The following ARID1B variants were observed in gnomAD, a reference collection of about 807,000 sequenced individuals.
ARID1B encodes the protein AT-rich interaction domain 1B.
A neutral mutation model predicts 212.3 loss-of-function variants in ARID1B; 30 were observed. The observed-to-expected ratio is 0.14, with a 90% CI of 0.11 to 0.19. The LOEUF is 0.19. Ranked by LOEUF, ARID1B falls within the 10% of genes least tolerant of loss-of-function variation. The probability of loss-of-function intolerance (pLI) is 1.00; values close to 1 mark genes in which losing one functional copy is unlikely to be tolerated. For synonymous variants in ARID1B, 1,402 were observed against 1,301.7 expected, an observed-to-expected ratio of 1.08 and a Z score of -1.66; for missense variants, 2,891 against 3,204.0, an observed-to-expected ratio of 0.90 and a Z score of 2.36.
chr6:157,137,182 A>AAAAAT (rs960666870), intron 7 of ARID1B, among the ~76,000 whole-genome samples: 3 of 152,188 alleles, frequency 2.0e-5, no homozygotes, highest in Admixed American at 1.3e-4. Flanking sequence ...CCCTGTCGCA[A>AAAAAT]AAAATAAAAT....
chr6:156,920,951 T>C (rs1328925305), intron 3 of ARID1B, among the ~76,000 whole-genome samples: 1 of 151,870 alleles, frequency 6.6e-6, no homozygotes, highest in Non-Finnish European at 1.5e-5. Context: ...GCCTCCCAGG[T>C]TCAAGTGATT....
chr6:157,146,186 T>C (rs1159820229), intron 7 of ARID1B, among the ~76,000 whole-genome samples: 1 of 152,052 alleles, frequency 6.6e-6, no homozygotes, highest in Non-Finnish European at 1.5e-5. Context: ...CCCTTTCCCC[T>C]CTTCTGCCAC....
At chr6:156,939,715 A>G (rs775565832) in intron 4 of ARID1B, 7 of 152,118 alleles carry the variant, frequency 4.6e-5, no homozygotes, top group African/African-American at 1.4e-4. Context: ...AAATGATTCT[A>G]TTTTACCAAG....
At chr6:157,061,370 C>T (rs1357473665) in intron 4 of ARID1B, among the ~76,000 whole-genome samples, 1 of 152,130 alleles carries the variant, frequency 6.6e-6, no homozygotes, top group Non-Finnish European at 1.5e-5. Context: ...TAGAATGGTA[C>T]GGAGCACATG....
rs1341819861 is a variant in ARID1B, at chr6:156,871,553, T to C, written c.1987-29823T>C. 6.0e-6 allele frequency: 9 copies of C among 1,490,630 alleles called. No homozygotes were observed. In the African/African-American group the frequency reaches 1.1e-4, roughly 18 times the overall value. 92.3% of individuals were successfully genotyped at this position (1,490,630 alleles called of 1,614,324 possible). A position where few individuals can be genotyped will look rare whatever the true frequency, so the allele number is the denominator to read the frequency against. On this transcript the variant is annotated intron_variant, in intron 2 of 19. Coordinates refer to ENST00000636930, the MANE Select transcript of ARID1B (RefSeq NM_001374828.1). ...TAATTAATAAGCCACAGGGCCAAGA[T>C]GGGAATCCTGGACTGACTCCAACAC...
At chr6:156,977,775 G>A (rs1444738452) in intron 4 of ARID1B, among the ~76,000 whole-genome samples, 1 of 152,072 alleles carries the variant, frequency 6.6e-6, no homozygotes, top group African/African-American at 2.4e-5. Flanking sequence ...TGATGACTGG[G>A]TATCTTTCTT....
chr6:157,161,429 G>GTA (rs1228344142), intron 8 of ARID1B, among the ~76,000 whole-genome samples: 1 of 134,088 alleles, frequency 7.5e-6, no homozygotes, highest in East Asian at 2.0e-4. Context: ...GATTGTGTGT[G>GTA]TGTATATATA....
intron 7 of ARID1B, among the ~76,000 whole-genome samples, chr6:157,146,515 A>T (rs1160123273): frequency 6.6e-6 from 1 of 152,054 alleles, no homozygotes; most frequent in Non-Finnish European, 1.5e-5. Context: ...CTCAGCCCCC[A>T]TCAGACTCAC....
chr6:157,153,931 C>A (rs1364224923), intron 8 of ARID1B, among the ~76,000 whole-genome samples: 1 of 152,210 alleles, frequency 6.6e-6, no homozygotes, highest in Non-Finnish European at 1.5e-5. Context: ...TGAGCCACCA[C>A]TCCTGACCTT....
rs950931904 is a variant in ARID1B, at chr6:157,209,143, GAAA to G, written c.*1257_*1259del. ...TAATGTAGTTTAAAAAAAAAAAAAA[GAAA>G]AAAACTTGATGTAAATTCCTCCTTT... On this transcript the variant is annotated 3_prime_UTR_variant, in exon 20 of 20. Transcript: ENST00000636930. The G allele has an allele frequency of 4.6e-6, 1 of 219,752 alleles. No homozygotes were observed. Among genetic ancestry groups the G allele is most frequent in the Non-Finnish European group, 9.0e-6 (1 of 110,884 alleles). The allele number at this position is 219,752 out of a possible 1,614,324, so 13.6% of individuals were successfully genotyped here.
intron 4 of ARID1B, among the ~76,000 whole-genome samples, chr6:157,049,704 T>C (rs1782465608): frequency 6.6e-6 from 1 of 152,206 alleles, no homozygotes; most frequent in African/African-American, 2.4e-5. Flanking sequence ...GAATTGGATA[T>C]AGGCTTATCT....
chr6:156,871,534 A>G, intron 2 of ARID1B: 1 of 1,332,566 alleles, frequency 7.5e-7, no homozygotes, highest in South Asian at 1.2e-5. Flanking sequence ...CACCTAATTA[A>G]TAAGCCACAG....
At chr6:156,940,647 T>G (rs1200263455) in intron 4 of ARID1B, 1 of 152,142 alleles carries the variant, frequency 6.6e-6, no homozygotes, top group East Asian at 1.9e-4. Context: ...ATACTCTGTT[T>G]GTGTTGGTTT....
At chr6:157,066,277 A>C (rs1281635205) in intron 4 of ARID1B, among the ~76,000 whole-genome samples, 1 of 152,262 alleles carries the variant, frequency 6.6e-6, no homozygotes, top group African/African-American at 2.4e-5. Flanking sequence ...TGCTTTCAAA[A>C]TCAGTTACTC....
At position 156,777,988 on chromosome 6, in the gene ARID1B, G is replaced by A. The variant is rs2114958253; in HGVS notation, c.308G>A (p.Gly103Asp). ...GGCACCCACAGCGCCAAGAGCGGCG[G>A]CTCCGAGGCGGCTCTCAAGGAGGGT... The part of the protein sequence containing the change: ...AAGTHSAKSG[G>D]SEAALKEGGS... Residue 103 changes from glycine (G) to aspartate (D), a missense_variant, in exon 1 of 20, where the codon GGC (glycine) becomes GAC (aspartate). By Grantham distance (94) the Gly-to-Asp change is moderately conservative. Coordinates refer to ENST00000636930, the MANE Select transcript of ARID1B (RefSeq NM_001374828.1). 1.3e-6 allele frequency: 2 copies of A among 1,531,224 alleles called. No individual in the cohort carries two copies. Among genetic ancestry groups the A allele is most frequent in the Non-Finnish European group, 1.7e-6 (2 of 1,144,780 alleles). 94.9% of individuals were successfully genotyped at this position (1,531,224 alleles called of 1,614,324 possible).
At chr6:157,169,847 A>T (rs1239798797) in intron 9 of ARID1B, 1 of 152,194 alleles carries the variant, frequency 6.6e-6, no homozygotes, top group East Asian at 1.9e-4. Flanking sequence ...GAGCGGCCAT[A>T]TGTGCTGCTG....
intron 4 of ARID1B, among the ~76,000 whole-genome samples, chr6:157,028,385 TAATG>T (rs1780802038): frequency 6.6e-6 from 1 of 152,206 alleles, no homozygotes; most frequent in Non-Finnish European, 1.5e-5. Context: ...GTAGAAATAA[TAATG>T]TAATGAATAA....
At chr6:156,975,613 CTT>C (rs367797338) in intron 4 of ARID1B, among the ~76,000 whole-genome samples, 3 of 110,866 alleles carry the variant, frequency 2.7e-5, no homozygotes, top group Non-Finnish European at 5.5e-5. Flanking sequence ...TTTTTTTTTT[CTT>C]TTTTTTTTTT....
chr6:157,011,151 G>T (rs1779582049), intron 4 of ARID1B, among the ~76,000 whole-genome samples: 1 of 152,036 alleles, frequency 6.6e-6, no homozygotes. Context: ...TGTTTTTAGT[G>T]CAGGTATGAT....
Sources: gnomAD v4.1 joint callset for allele counts (sites outside exome capture counted in the v4.1 genomes callset) on GRCh38, gnomAD v4.1.1 for gene constraint, MANE v1.5 for transcripts, NCBI Gene and HGNC (gene_info 2026-07-23, HGNC 2026-07-21) for gene names.